MORC3: variants seen among roughly 807,000 people sequenced by gnomAD.
MORC3 encodes MORC family CW-type zinc finger 3, also known as MORC family CW-type zinc finger protein 3.
MORC3 carries 31 observed loss-of-function variants against 109.1 expected under a neutral mutation model. The observed-to-expected ratio is 0.28, with a 90% CI of 0.21 to 0.38. MORC3 has a LOEUF of 0.38. Among genes scored for constraint, MORC3 ranks in the 10% least tolerant of loss-of-function variants. The pLI is 1.00. For synonymous variants in MORC3, 395 were observed against 380.7 expected, an observed-to-expected ratio of 1.04 and a Z score of -0.44; for missense variants, 867 against 1,135.8, an observed-to-expected ratio of 0.76 and a Z score of 3.40.
At position 36,344,639 on chromosome 21, in the gene MORC3, G is replaced by A; in HGVS notation, c.817G>A (p.Val273Met). The change falls in exon 7 of 17, where the codon GTG becomes ATG. Residue 273 changes from valine to methionine, a missense_variant. By Grantham distance (21) the Val-to-Met change is conservative. Transcript: ENST00000400485. The part of the protein sequence containing the change: ...RMQIILRGQK[V>M]KTQLVSKSLA... ...GCAGATCATCCTACGTGGACAGAAA[G>A]TGAAGACACAGCTGGTTTCGAAGAG... The A allele has an allele frequency of 6.2e-7, 1 of 1,614,148 alleles. No individual in the cohort carries two copies. The highest frequency in any genetic ancestry group is 8.5e-7 in the Non-Finnish European group (1 of 1,180,004).
At chr21:36,358,047 G>A (rs1176339616) in intron 10 of MORC3, among the ~76,000 whole-genome samples, 2 of 151,624 alleles carry the variant, frequency 1.3e-5, no homozygotes, top group African/African-American at 4.8e-5. Flanking sequence ...ATCCTGTTTT[G>A]AAGTTGTTTA....
intron 12 of MORC3, 21 bp downstream of exon 12, chr21:36,360,279 T>G: frequency 1.3e-6 from 2 of 1,596,008 alleles, no homozygotes; most frequent in Non-Finnish European, 1.7e-6. Flanking sequence ...TATTGATGTA[T>G]AGTGGGTAAT....
intron 10 of MORC3, among the ~76,000 whole-genome samples, chr21:36,359,521 G>T (rs541275148): frequency 3.4e-5 from 5 of 148,190 alleles, no homozygotes; most frequent in African/African-American, 1.2e-4. Context: ...GCCTTGCCTT[G>T]CCTTTTCTCT....
chr21:36,333,767 G>GTTTTT (rs367762969), intron 2 of MORC3, 49 bp downstream of exon 2: 35 of 912,874 alleles, frequency 3.8e-5, no homozygotes, highest in African/African-American at 3.6e-4. Context: ...CAATTGTAGT[G>GTTTTT]TTTTTTTTTT....
chr21:36,323,288 C>G (rs780582840), intron 1 of MORC3, among the ~76,000 whole-genome samples: 3 of 152,144 alleles, frequency 2.0e-5, no homozygotes, highest in Non-Finnish European at 4.4e-5. Flanking sequence ...GGGTTCAAAT[C>G]CTGACTCATA....
At chr21:36,335,689 A>C (rs1350383280) in intron 2 of MORC3, among the ~76,000 whole-genome samples, 1 of 152,226 alleles carries the variant, frequency 6.6e-6, no homozygotes, top group Non-Finnish European at 1.5e-5. Flanking sequence ...CAAGGATGTT[A>C]AATGGAGAAG....
rs755198660 is a variant in MORC3 at position 36,375,331 on chromosome 21, T to C, written c.*35T>C. On this transcript the variant is annotated 3_prime_UTR_variant, in exon 17 of 17. Coordinates refer to ENST00000400485, the MANE Select transcript of MORC3 (RefSeq NM_015358.3). Reference sequence around the variant, plus strand: ...TATGTAAGATAAAATATTTGCTCAATTCTTTTGGTTGTACAGCTTTCAAAA... The same window carrying C: ...TATGTAAGATAAAATATTTGCTCAACTCTTTTGGTTGTACAGCTTTCAAAA... 5.9e-5 allele frequency: 92 copies of C among 1,562,958 alleles called. 2 individuals carry two copies. The highest frequency in any genetic ancestry group is 3.5e-4 in the Middle Eastern group (2 of 5,790).
chr21:36,320,750 T>G (rs1454766986), intron 1 of MORC3: 1 of 167,120 alleles, frequency 6.0e-6, no homozygotes, highest in African/African-American at 2.4e-5. Context: ...GCTGCGGGCC[T>G]GCCTGCGGGC....
chr21:36,363,689 A>G (rs150461576), intron 13 of MORC3, among the ~76,000 whole-genome samples: 3,769 of 152,300 alleles, frequency 0.025, 66 homozygotes, highest in Admixed American at 0.046. Flanking sequence ...GCACCATCAT[A>G]AAGTTGATGC....
intron 14 of MORC3, among the ~76,000 whole-genome samples, chr21:36,365,263 T>TA (rs982900708): frequency 3.3e-5 from 5 of 152,150 alleles, no homozygotes; most frequent in South Asian, 4.1e-4. Context: ...AGGTGGTACT[T>TA]ACGTTGGTTC....
intron 2 of MORC3, 48 bp from the exon 3 acceptor site, chr21:36,336,826 T>C: frequency 6.5e-7 from 1 of 1,538,414 alleles, no homozygotes; most frequent in Non-Finnish European, 8.8e-7. Context: ...AACTAATTGC[T>C]CTTTTTAAAG....
chr21:36,352,494 T>C (rs569742247), intron 9 of MORC3, among the ~76,000 whole-genome samples: 1 of 152,284 alleles, frequency 6.6e-6, no homozygotes, highest in East Asian at 1.9e-4. Context: ...TTGGTTTGGA[T>C]TTTTTTGTAT....
chr21:36,330,156 C>T (rs1033580350), intron 1 of MORC3, among the ~76,000 whole-genome samples: 27 of 152,214 alleles, frequency 1.8e-4, no homozygotes, highest in African/African-American at 5.5e-4. Context: ...GCCACCAGAC[C>T]CGTCCTGAGC....
At chr21:36,341,593 T>A in intron 6 of MORC3, 47 bp downstream of exon 6, 1 of 1,611,088 alleles carries the variant, frequency 6.2e-7, no homozygotes, top group Non-Finnish European at 8.5e-7. Flanking sequence ...CATTGAATGC[T>A]GGTAGTATTA....
chr21:36,369,431 C>T lies in MORC3; in HGVS notation c.2063C>T (p.Ser688Phe). The T allele has an allele frequency of 6.2e-7, 1 of 1,614,184 alleles. No individual in the cohort carries two copies. The highest frequency in any genetic ancestry group is 8.5e-7 in the Non-Finnish European group (1 of 1,180,034). Residue 688 changes from serine to phenylalanine, a missense_variant, in exon 15 of 17, where the codon TCT becomes TTT. Around this residue, in one of 7 missense-constraint regions of MORC3, gnomAD observed 486 missense variants for 502.1 expected, o/e 0.97. Coordinates refer to ENST00000400485, the MANE Select transcript of MORC3 (RefSeq NM_015358.3). Reference sequence around the variant, plus strand: ...GAAACCCAGGAAACCACCGATAAATCTGCAGATGATGCAGGCTGCCAATTA... The same window carrying T: ...GAAACCCAGGAAACCACCGATAAATTTGCAGATGATGCAGGCTGCCAATTA... ...IHETQETTDKSADDAGCQLQE... is the reference protein window; with the variant it reads ...IHETQETTDKFADDAGCQLQE...
chr21:36,372,722 C>G (rs2243493), intron 16 of MORC3, among the ~76,000 whole-genome samples, 191 bp downstream of exon 16: 60,626 of 152,010 alleles, frequency 0.4, 13,128 homozygotes, highest in African/African-American at 0.53. Context: ...GTTTCTGACC[C>G]TTTAGGTTCT....
At chr21:36,362,966 T>G (rs966182190) in intron 13 of MORC3, among the ~76,000 whole-genome samples, 2 of 152,098 alleles carry the variant, frequency 1.3e-5, no homozygotes, top group Non-Finnish European at 2.9e-5. Flanking sequence ...AAGCCATATT[T>G]TAGTGCTAAC....
At chr21:36,365,650 C>T (rs2085772286) in intron 14 of MORC3, among the ~76,000 whole-genome samples, 1 of 152,116 alleles carries the variant, frequency 6.6e-6, no homozygotes, top group Non-Finnish European at 1.5e-5. Flanking sequence ...GGTGCAATCT[C>T]AACTCAATGC....
chr21:36,366,081 A>G (rs531262709), intron 14 of MORC3, among the ~76,000 whole-genome samples: 1 of 152,280 alleles, frequency 6.6e-6, no homozygotes, highest in South Asian at 2.1e-4. Context: ...GGTTTGTTAC[A>G]TGGGTATATG....
Sources: allele counts gnomAD v4.1 joint callset (sites outside exome capture counted in the v4.1 genomes callset), GRCh38; gene constraint gnomAD v4.1.1; regional missense constraint gnomAD v4.1.1; transcripts MANE v1.5; gene names NCBI Gene and HGNC (gene_info 2026-07-23, HGNC 2026-07-21).